Variants in KIAA1328 observed in about 807,000 individuals in gnomAD.
KIAA1328 encodes the protein KIAA1328.
In KIAA1328, 52 loss-of-function variants were observed where a neutral mutation model predicts 68.1. The observed-to-expected ratio is 0.76, with a 90% confidence interval of 0.61 to 0.96. The LOEUF is 0.96. Ranked by LOEUF, KIAA1328 falls within the 40% of genes least tolerant of loss-of-function variation. The pLI is 0.00. For synonymous variants in KIAA1328, 232 were observed against 239.4 expected, an observed-to-expected ratio of 0.97 and a Z score of 0.28; for missense variants, 641 against 677.6, an observed-to-expected ratio of 0.95 and a Z score of 0.60.
intron 8 of KIAA1328, among the ~76,000 whole-genome samples, chr18:37,162,269 G>A (rs758467041): frequency 6.7e-6 from 1 of 148,744 alleles, no homozygotes; most frequent in Non-Finnish European, 1.5e-5. Context: ...GGGGAAGGTT[G>A]TAGTGTTGCA....
chr18:36,996,640 G>A (rs2053403182), intron 6 of KIAA1328, among the ~76,000 whole-genome samples: 1 of 152,228 alleles, frequency 6.6e-6, no homozygotes, highest in African/African-American at 2.4e-5. Context: ...GAATAAATGG[G>A]GATGAGGGCA....
chr18:37,027,819 A>G (rs919298347), intron 6 of KIAA1328, among the ~76,000 whole-genome samples: 1 of 152,146 alleles, frequency 6.6e-6, no homozygotes, highest in African/African-American at 2.4e-5. Context: ...CAAGGACTTC[A>G]TGTCTAAAAC....
At chr18:36,956,745 C>G (rs11081976) in intron 5 of KIAA1328, among the ~76,000 whole-genome samples, 111,283 of 152,064 alleles carry the variant, frequency 0.73, 43,904 homozygotes, top group South Asian at 0.89. Context: ...ATTCTGTGAC[C>G]AGACTAATAT....
At chr18:37,187,733 C>A (rs1280144192) in intron 9 of KIAA1328, among the ~76,000 whole-genome samples, 1 of 152,054 alleles carries the variant, frequency 6.6e-6, no homozygotes, top group African/African-American at 2.4e-5. Flanking sequence ...GGGCTCTGAG[C>A]AACCCTGATG....
At chr18:37,043,552 A>G (rs1200436604) in intron 6 of KIAA1328, among the ~76,000 whole-genome samples, 1 of 152,210 alleles carries the variant, frequency 6.6e-6, no homozygotes, top group Admixed American at 6.6e-5. Context: ...CTGAGTCAGC[A>G]TAGCTTAATT....
rs970331777 is a variant in KIAA1328, at chr18:37,154,740, C to T, written c.1233-5460C>T. Among the ~76,000 whole-genome samples the T allele has an allele frequency of 2.0e-5, 3 of 152,308 alleles. No individual in the cohort carries two copies. The East Asian group carries it at 5.8e-4, about 29-fold the overall frequency. On this transcript the variant is annotated intron_variant, in intron 7 of 9. Transcript: ENST00000280020. ...TCTGCCATCCCAGCCTCTTTCTTTA[C>T]AGCTTATATTCTCATGTTTATCACA...
chr18:36,848,541 CTTTTTTTTTTT>C (rs59271370), intron 4 of KIAA1328, among the ~76,000 whole-genome samples: 5 of 38,144 alleles, frequency 1.3e-4, no homozygotes, highest in East Asian at 1.8e-3. Context: ...TCTATAGATG[CTTTTTTTTTTT>C]TTTTTTTTTT....
At chr18:36,881,631 C>T (rs1266155215) in intron 4 of KIAA1328, among the ~76,000 whole-genome samples, 1 of 152,142 alleles carries the variant, frequency 6.6e-6, no homozygotes, top group Non-Finnish European at 1.5e-5. Context: ...CCTTCCTAGC[C>T]CCAGACAACC....
At chr18:37,142,944 TTTTTTTTTTTG>T (rs1165140551) in intron 7 of KIAA1328, among the ~76,000 whole-genome samples, 2 of 150,092 alleles carry the variant, frequency 1.3e-5, no homozygotes, top group African/African-American at 4.9e-5. Context: ...TTACTTTGGT[TTTTTTTTTTTG>T]TTTTTTTTTT....
chr18:37,216,899 C>CTT (rs762745405), intron 9 of KIAA1328, among the ~76,000 whole-genome samples: 9,321 of 90,082 alleles, frequency 0.1, 507 homozygotes, highest in Non-Finnish European at 0.14. Flanking sequence ...TTCTTTGTCT[C>CTT]TTTTTTTTTT....
chr18:36,854,485 GT>G lies in KIAA1328; in HGVS notation c.332+10187del, dbSNP rs2047320628. Among the ~76,000 whole-genome samples, 4 of 152,092 alleles carry G rather than the reference GT, an allele frequency of 2.6e-5. No homozygotes were observed. The South Asian group carries it at 8.3e-4, about 32-fold the overall frequency. Reference sequence around the variant, plus strand: ...TTTACTTATCTAGTTACCTTTACCAGTTTTCTTTATTTCTTTGGATGGCTGT... The same window carrying G: ...TTTACTTATCTAGTTACCTTTACCAGTTTCTTTATTTCTTTGGATGGCTGT... On this transcript the variant is annotated intron_variant, in intron 4 of 9. Coordinates refer to ENST00000280020, the MANE Select transcript of KIAA1328 (RefSeq NM_020776.3).
intron 9 of KIAA1328, among the ~76,000 whole-genome samples, chr18:37,186,029 T>A (rs1374772142): frequency 1.3e-5 from 2 of 151,672 alleles, no homozygotes; most frequent in Admixed American, 1.3e-4. Flanking sequence ...AGCATGTAGC[T>A]GACATTGATA....
At chr18:36,925,729 G>A (rs926631423) in intron 5 of KIAA1328, among the ~76,000 whole-genome samples, 1 of 151,868 alleles carries the variant, frequency 6.6e-6, no homozygotes, top group Admixed American at 6.6e-5. Flanking sequence ...TTTAGAGATG[G>A]GGTCTCCGTC....
chr18:37,003,279 A>C (rs759518685), intron 6 of KIAA1328, among the ~76,000 whole-genome samples: 2 of 152,172 alleles, frequency 1.3e-5, no homozygotes, highest in Non-Finnish European at 2.9e-5. Context: ...ACATTTGTCT[A>C]GACAAAGAAT....
intron 5 of KIAA1328, among the ~76,000 whole-genome samples, chr18:36,905,569 A>G (rs2049189681): frequency 6.6e-6 from 1 of 152,022 alleles, no homozygotes; most frequent in African/African-American, 2.4e-5. Context: ...AAACGTCTTT[A>G]TTTTGCAAGT....
rs925230359 is a variant in KIAA1328 at position 37,062,672 on chromosome 18, G to T, written c.577-4218G>T. Among the ~76,000 whole-genome samples the T allele has an allele frequency of 5.9e-5, 9 of 152,044 alleles. No homozygotes were observed. In the South Asian group the frequency reaches 1.0e-3, roughly 18 times the overall value. On this transcript the variant is annotated intron_variant, in intron 6 of 9. Coordinates refer to ENST00000280020, the MANE Select transcript of KIAA1328 (RefSeq NM_020776.3). The stretch of plus-strand genomic sequence containing the variant: ...GGGTTTCACCGTGTTAACCAGGATG[G>T]TCTCGTTCTCCTGACCTCGTGATCT...
chr18:37,170,770 C>A (rs1450463600), intron 8 of KIAA1328, among the ~76,000 whole-genome samples: 1 of 152,138 alleles, frequency 6.6e-6, no homozygotes, highest in African/African-American at 2.4e-5. Flanking sequence ...TGACCTTGGG[C>A]AGATCACATA....
chr18:37,049,908 A>T (rs1312838700), intron 6 of KIAA1328, among the ~76,000 whole-genome samples: 1 of 152,130 alleles, frequency 6.6e-6, no homozygotes, highest in Non-Finnish European at 1.5e-5. Flanking sequence ...CTTTTTCCTT[A>T]ACCAATAGCA....
chr18:36,938,641 C>T (rs2050592807), intron 5 of KIAA1328, among the ~76,000 whole-genome samples: 1 of 152,112 alleles, frequency 6.6e-6, no homozygotes. Flanking sequence ...CTTTTGATGT[C>T]AAATCCAGGA....
Sources: gnomAD v4.1 joint callset for allele counts (sites outside exome capture counted in the v4.1 genomes callset) on GRCh38, gnomAD v4.1.1 for gene constraint, MANE v1.5 for transcripts, NCBI Gene and HGNC (gene_info 2026-07-23, HGNC 2026-07-21) for gene names.